Variants in SPO11 observed in about 807,000 individuals in gnomAD.
SPO11 encodes the protein meiotic recombination protein SPO11.
SPO11 carries 49 observed loss-of-function variants against 51.6 expected under a neutral mutation model. That is an observed-to-expected ratio of 0.95 (90% CI 0.75 to 1.20). The LOEUF (loss-of-function observed/expected upper bound fraction) is 1.20. Among genes scored for constraint, SPO11 ranks in the 50% most tolerant of loss-of-function variants. The probability of loss-of-function intolerance (pLI) is 0.00; values close to 1 mark genes in which losing one functional copy is unlikely to be tolerated. For synonymous variants in SPO11, 176 were observed against 158.2 expected, an observed-to-expected ratio of 1.11 and a Z score of -0.84; for missense variants, 431 against 473.4, an observed-to-expected ratio of 0.91 and a Z score of 0.83.
intron 2 of SPO11, among the ~76,000 whole-genome samples, chr20:57,332,486 T>C (rs1214492266): frequency 6.6e-6 from 1 of 152,238 alleles, no homozygotes; most frequent in African/African-American, 2.4e-5. Context: ...TTCTTGAACC[T>C]AGTTATACCG....
Position 57,343,479 on chromosome 20 carries a change from T to A in SPO11, c.*19T>A. On this transcript the variant is annotated 3_prime_UTR_variant, in exon 13 of 13. Coordinates refer to ENST00000371263, the MANE Select transcript of SPO11 (RefSeq NM_012444.3). ...GATATAAAAATAAATCAGAAGAACT[T>A]CTGATTGCCAGAGGCTTTTCATTAG... is the stretch of plus-strand genomic sequence containing the variant. The A allele has an allele frequency of 5.1e-6, 8 of 1,582,170 alleles. No homozygotes were observed. Among genetic ancestry groups the A allele is most frequent in the Non-Finnish European group, 6.8e-6 (8 of 1,169,892 alleles).
intron 3 of SPO11, 68 bp from the exon 4 acceptor site, chr20:57,333,619 G>C: frequency 3.5e-6 from 3 of 858,880 alleles, no homozygotes; most frequent in Non-Finnish European, 5.8e-6. Flanking sequence ...TAAAATCCTT[G>C]ATAGCAGTAT....
chr20:57,333,763 T>C lies in SPO11; in HGVS notation c.401+10T>C, dbSNP rs2066477081. ...CTTATGCAACCAAAAGGTAAATATA[T>C]TGTTCTAGTAAATTACTCTTCAAAA... On this transcript the variant is annotated intron_variant, in intron 4 of 12. Transcript: ENST00000371263. The C allele has an allele frequency of 2.9e-6, 4 of 1,371,844 alleles. No homozygotes were observed. The South Asian group carries it at 4.9e-5, about 17-fold the overall frequency. The allele number at this position is 1,371,844 out of a possible 1,614,324, so 85.0% of individuals were successfully genotyped here.
chr20:57,329,855 G>A lies in SPO11; in HGVS notation c.-13G>A, dbSNP rs1193726806. On this transcript the variant is annotated 5_prime_UTR_variant, in exon 1 of 13. Coordinates refer to ENST00000371263, the MANE Select transcript of SPO11 (RefSeq NM_012444.3). ...ACAGGGGCTTCTGGAGCTTCTGGCA[G>A]CCGTCTGCCCTCATGGCCTTTGCAC... The A allele has an allele frequency of 1.9e-6, 3 of 1,606,554 alleles. No homozygotes were observed. Among genetic ancestry groups the A allele is most frequent in the Non-Finnish European group, 8.5e-7 (1 of 1,175,708 alleles).
chr20:57,335,276 C>T (rs2066498035), intron 6 of SPO11, 143 bp from the exon 7 acceptor site: 1 of 665,642 alleles, frequency 1.5e-6, no homozygotes, highest in East Asian at 2.8e-5. Context: ...AGGGGTAAAG[C>T]TGTTTTCTAC....
intron 12 of SPO11, 122 bp downstream of exon 12, chr20:57,342,962 GTGT>G (rs2066601649): frequency 1.4e-6 from 1 of 698,110 alleles, no homozygotes; most frequent in Admixed American, 2.7e-5. Context: ...ACTAACATAA[GTGT>G]TGTTTGGCAG....
intron 11 of SPO11, among the ~76,000 whole-genome samples, chr20:57,341,080 GCTTT>G (rs28368096): frequency 0.04 from 6,045 of 152,090 alleles, 173 homozygotes; most frequent in African/African-American, 0.089. Context: ...TTTATAATCT[GCTTT>G]TTTTAAAACA....
intron 1 of SPO11, 116 bp from the exon 2 acceptor site, chr20:57,331,717 A>C: frequency 2.0e-6 from 1 of 504,084 alleles, no homozygotes; most frequent in Non-Finnish European, 3.5e-6. Flanking sequence ...CCAATTACCT[A>C]GTCTTAAAAA....
rs1311076015 is a variant in SPO11 at position 57,335,861 on chromosome 20, T to C, written c.698T>C (p.Leu233Pro). Residue 233 changes from leucine to proline, a missense_variant, in exon 8 of 13, where the codon CTA (leucine) becomes CCA (proline). Coordinates refer to ENST00000371263, the MANE Select transcript of SPO11 (RefSeq NM_012444.3). ...VEKDATFQRL[L>P]DDNFCNKLSP... The stretch of plus-strand genomic sequence containing the variant: ...AAAGATGCAACATTTCAGCGGCTCC[T>C]AGATGACAACTTTTGCAACAAATTG... The C allele has an allele frequency of 6.2e-7, 1 of 1,613,426 alleles. No homozygotes were observed.
chr20:57,332,826 T>C (rs2066465313), intron 2 of SPO11, among the ~76,000 whole-genome samples: 1 of 152,154 alleles, frequency 6.6e-6, no homozygotes, highest in South Asian at 2.1e-4. Context: ...AATGAGTAGG[T>C]TATTAAAATG....
In SPO11 at chr20:57,342,910, T is replaced by C. The variant is rs1479217222; in HGVS notation, c.1071+70T>C. ...TTTACTTTAGTAGTGGCTATTCACA[T>C]CGTATTTTGAAAATATCCCTCTTGA... On this transcript the variant is annotated intron_variant, in intron 12 of 12. Coordinates refer to ENST00000371263, the MANE Select transcript of SPO11 (RefSeq NM_012444.3). The C allele has an allele frequency of 2.8e-6, 3 of 1,069,980 alleles. No homozygotes were observed. The East Asian group carries it at 7.4e-5, about 26-fold the overall frequency. The allele number at this position is 1,069,980 out of a possible 1,614,324, so 66.3% of individuals were successfully genotyped here.
chr20:57,329,938 T>A lies in SPO11; in HGVS notation c.71T>A (p.Leu24Gln). ...TTGGACCGACACAGGGAGTCCCTGC[T>A]GGCTGCCCTGAGGAGAGGTGGCAGG... ...DVLDRHRESL[L>Q]AALRRGGREP... Residue 24 changes from leucine to glutamine, a missense_variant, in exon 1 of 13, where the codon CTG becomes CAG. Leu to Gln is a moderately radical substitution (Grantham distance 113). Transcript: ENST00000371263. 1 of 1,613,500 alleles carries A rather than the reference T, an allele frequency of 6.2e-7. No homozygotes were observed. Among genetic ancestry groups the A allele is most frequent in the South Asian group, 1.1e-5 (1 of 91,054 alleles).
At chr20:57,332,562 C>T (rs1427470504) in intron 2 of SPO11, among the ~76,000 whole-genome samples, 2 of 151,640 alleles carry the variant, frequency 1.3e-5, no homozygotes, top group Admixed American at 6.6e-5. Flanking sequence ...TTTGAGTCTC[C>T]TTCATCACTG....
At chr20:57,335,529 G>A in intron 7 of SPO11, 74 bp downstream of exon 7, 2 of 1,462,990 alleles carry the variant, frequency 1.4e-6, no homozygotes, top group Non-Finnish European at 1.9e-6. Flanking sequence ...GGTAAGCCAA[G>A]CCTTCATAAT....
chr20:57,330,047 C>T (rs1364515618), intron 1 of SPO11, 49 bp downstream of exon 1: 2 of 1,515,174 alleles, frequency 1.3e-6, no homozygotes, highest in East Asian at 2.5e-5. Context: ...GTAGAAAAGT[C>T]GGGCGCTCTT....
chr20:57,338,353 T>C lies in SPO11; in HGVS notation c.822T>C (p.Thr274=), dbSNP rs1244015697. The C allele has an allele frequency of 6.2e-7, 1 of 1,612,604 alleles. No individual in the cohort carries two copies. Among genetic ancestry groups the C allele is most frequent in the Non-Finnish European group, 8.5e-7 (1 of 1,178,802 alleles). Residue 274 remains threonine, a synonymous_variant, in exon 9 of 13, where the codon ACT becomes ACC. Transcript: ENST00000371263. ...LWDTFHVPVF[T]LVDADPHGIE... is the part of the protein sequence containing the mutation. Reference sequence around the variant, plus strand: ...ATACATTTCATGTTCCTGTTTTCACTCTTGTAGATGCTGATCCACATGGTA... The same window carrying C: ...ATACATTTCATGTTCCTGTTTTCACCCTTGTAGATGCTGATCCACATGGTA...
chr20:57,340,213 T>C, intron 11 of SPO11, 35 bp downstream of exon 11: 1 of 1,369,842 alleles, frequency 7.3e-7, no homozygotes, highest in African/African-American at 1.4e-5. Context: ...ATATTTAAAA[T>C]GACAGTTCAT....
chr20:57,338,841 C>T (rs1163446374), intron 9 of SPO11, 148 bp from the exon 10 acceptor site: 7 of 528,314 alleles, frequency 1.3e-5, no homozygotes, highest in African/African-American at 4.0e-5. Context: ...CACAATTTAT[C>T]GTTACTTTGT....
intron 8 of SPO11, among the ~76,000 whole-genome samples, chr20:57,338,042 C>A (rs1057368206): frequency 1.3e-5 from 2 of 151,948 alleles, no homozygotes; most frequent in African/African-American, 4.8e-5. Context: ...CGTGTACCAC[C>A]ACACCTGGCT....
Sources: gnomAD v4.1 joint callset for allele counts (sites outside exome capture counted in the v4.1 genomes callset) on GRCh38, gnomAD v4.1.1 for gene constraint, MANE v1.5 for transcripts, NCBI Gene and HGNC (gene_info 2026-07-23, HGNC 2026-07-21) for gene names.